Variants in PIP4P2 observed in about 807,000 individuals in gnomAD.
PIP4P2 encodes the protein phosphatidylinositol-4,5-bisphosphate 4-phosphatase 2.
Under a neutral mutation model 33.3 loss-of-function variants are expected in PIP4P2, and 19 were observed. That is an observed-to-expected ratio of 0.57 (90% CI 0.40 to 0.84). The LOEUF (loss-of-function observed/expected upper bound fraction) is 0.84. Among genes scored for constraint, PIP4P2 ranks in the 40% least tolerant of loss-of-function variants. The probability of loss-of-function intolerance (pLI) is 0.00; values close to 1 mark genes in which losing one functional copy is unlikely to be tolerated. For synonymous variants in PIP4P2, 110 were observed against 111.9 expected, an observed-to-expected ratio of 0.98 and a Z score of 0.11; for missense variants, 270 against 324.7, an observed-to-expected ratio of 0.83 and a Z score of 1.29.
intron 1 of PIP4P2, among the ~76,000 whole-genome samples, chr8:91,035,835 C>T (rs1164642875): frequency 1.3e-5 from 2 of 152,012 alleles, no homozygotes; most frequent in African/African-American, 2.4e-5. Flanking sequence ...TTGACACCAG[C>T]CTGGGCAAGC....
At chr8:91,034,352 A>G (rs551402697) in intron 1 of PIP4P2, among the ~76,000 whole-genome samples, 6 of 152,212 alleles carry the variant, frequency 3.9e-5, no homozygotes, top group Non-Finnish European at 8.8e-5. Context: ...CTGGAGCCTG[A>G]TGCCTACAGA....
intron 3 of PIP4P2, among the ~76,000 whole-genome samples, chr8:91,019,423 A>AAAAT (rs1811970520): frequency 1.1e-4 from 7 of 61,160 alleles, no homozygotes; most frequent in African/African-American, 2.7e-4. Context: ...AAAAAAAAAA[A>AAAAT]ATATATTACC....
intron 1 of PIP4P2, among the ~76,000 whole-genome samples, chr8:91,027,817 T>C (rs1433655857): frequency 6.6e-6 from 1 of 152,198 alleles, no homozygotes; most frequent in Non-Finnish European, 1.5e-5. Flanking sequence ...GTTAGGAATG[T>C]TGAAGTGGAT....
At chr8:90,996,790 A>T in intron 5 of PIP4P2, 46 bp from the exon 6 acceptor site, 1 of 1,475,490 alleles carries the variant, frequency 6.8e-7, no homozygotes, top group Non-Finnish European at 9.2e-7. Flanking sequence ...ATTTACATAA[A>T]AATTCTCTAT....
intron 5 of PIP4P2, among the ~76,000 whole-genome samples, chr8:90,998,354 T>C (rs1481972742): frequency 6.6e-6 from 1 of 152,054 alleles, no homozygotes; most frequent in Non-Finnish European, 1.5e-5. Flanking sequence ...CTGTGCTCTC[T>C]TTTCATCACT....
intron 5 of PIP4P2, among the ~76,000 whole-genome samples, chr8:91,006,493 A>G (rs1290392212): frequency 6.6e-6 from 1 of 152,136 alleles, no homozygotes; most frequent in African/African-American, 2.4e-5. Context: ...TTGCCATTGT[A>G]CGAAAATAAT....
intron 5 of PIP4P2, among the ~76,000 whole-genome samples, chr8:91,002,377 AT>A (rs1811710382): frequency 6.6e-6 from 1 of 152,158 alleles, no homozygotes; most frequent in African/African-American, 2.4e-5. Flanking sequence ...GCTCTCAAAC[AT>A]CTAACTATTC....
At chr8:91,024,911 A>C (rs57468414) in intron 1 of PIP4P2, among the ~76,000 whole-genome samples, 172 of 152,228 alleles carry the variant, frequency 1.1e-3, no homozygotes, top group African/African-American at 4.0e-3. Flanking sequence ...ATGAAGTCTA[A>C]TTTCTTTATT....
At chr8:90,998,071 A>G (rs1210123845) in intron 5 of PIP4P2, among the ~76,000 whole-genome samples, 3 of 151,980 alleles carry the variant, frequency 2.0e-5, no homozygotes, top group Non-Finnish European at 4.4e-5. Flanking sequence ...TGTAACATTT[A>G]GCCCTAGTCT....
chr8:90,995,524 T>G lies in PIP4P2; in HGVS notation c.*153A>C. 2 of 880,408 alleles carry G rather than the reference T, an allele frequency of 2.3e-6. No homozygotes were observed. The highest frequency in any genetic ancestry group is 3.1e-6 in the Non-Finnish European group (2 of 636,978). 54.5% of individuals were successfully genotyped at this position (880,408 alleles called of 1,614,324 possible). A position where few individuals can be genotyped will look rare whatever the true frequency, so the allele number is the denominator to read the frequency against. ...ACAATTTGCATATAATATAGTGCAA[T>G]GAGCATTTGTTCATAAAAGACTCCC... is the stretch of plus-strand genomic sequence containing the variant. On this transcript the variant is annotated 3_prime_UTR_variant, in exon 7 of 7. Transcript: ENST00000285419.
intron 1 of PIP4P2, 58 bp downstream of exon 1, chr8:91,040,585 TG>T: frequency 6.3e-7 from 1 of 1,587,822 alleles, no homozygotes; most frequent in Non-Finnish European, 8.6e-7. Flanking sequence ...TTTATCCTTC[TG>T]GGCGTTTCCT....
chr8:91,020,087 G>A, intron 3 of PIP4P2, 70 bp downstream of exon 3: 1 of 1,473,738 alleles, frequency 6.8e-7, no homozygotes, highest in Non-Finnish European at 9.4e-7. Flanking sequence ...GCCTGGCACT[G>A]AAGAACCTTT....
At chr8:91,027,989 A>G (rs1200996649) in intron 1 of PIP4P2, among the ~76,000 whole-genome samples, 1 of 152,124 alleles carries the variant, frequency 6.6e-6, no homozygotes, top group Non-Finnish European at 1.5e-5. Context: ...GTATGAGATG[A>G]CTCCATTGAG....
intron 4 of PIP4P2, among the ~76,000 whole-genome samples, chr8:91,012,357 A>G (rs1457897069): frequency 1.3e-5 from 2 of 152,036 alleles, no homozygotes; most frequent in Non-Finnish European, 2.9e-5. Context: ...GTAGGAAATG[A>G]GTAAATGAAT....
rs2054805 is a variant in PIP4P2, at chr8:91,008,808, C to T, written c.487-13G>A. On this transcript the variant is annotated splice_polypyrimidine_tract_variant and intron_variant, in intron 4 of 6. Transcript: ENST00000285419. Reference sequence around the variant, plus strand: ...TCAGTTCCATCCACTGTAAAATAAACAAAGAGAGGAATTGAAAAGAAAACA... The same window carrying T: ...TCAGTTCCATCCACTGTAAAATAAATAAAGAGAGGAATTGAAAAGAAAACA... The T allele has an allele frequency of 0.69, 1,087,078 of 1,581,330 alleles. 383,303 individuals carry two copies. The highest frequency in any genetic ancestry group is 0.77 in the Middle Eastern group (4,538 of 5,892).
At chr8:91,029,515 A>G (rs1052190901) in intron 1 of PIP4P2, among the ~76,000 whole-genome samples, 1 of 152,142 alleles carries the variant, frequency 6.6e-6, no homozygotes, top group East Asian at 1.9e-4. Flanking sequence ...TTCCTAAGTG[A>G]CTTCATCATC....
intron 5 of PIP4P2, among the ~76,000 whole-genome samples, chr8:91,005,194 G>C (rs923016882): frequency 5.3e-5 from 8 of 152,058 alleles, no homozygotes; most frequent in Non-Finnish European, 1.2e-4. Context: ...TGCATGTCCT[G>C]TCTCAGTGAA....
intron 3 of PIP4P2, 25 bp downstream of exon 3, chr8:91,020,132 C>CAATGAATT: frequency 6.2e-7 from 1 of 1,603,524 alleles, no homozygotes; most frequent in East Asian, 2.2e-5. Flanking sequence ...ATGAATGAAT[C>CAATGAATT]AATGAATTAA....
At chr8:91,017,182 T>C (rs921123307) in intron 4 of PIP4P2, among the ~76,000 whole-genome samples, 15 of 152,178 alleles carry the variant, frequency 9.9e-5, no homozygotes, top group African/African-American at 1.9e-4. Flanking sequence ...AGAAAAAGGA[T>C]AAGCAATTTA....
Sources: gnomAD v4.1 joint callset for allele counts (sites outside exome capture counted in the v4.1 genomes callset) on GRCh38, gnomAD v4.1.1 for gene constraint, MANE v1.5 for transcripts, NCBI Gene and HGNC (gene_info 2026-07-23, HGNC 2026-07-21) for gene names.